Variants in GPR26 observed in about 807,000 individuals in gnomAD.
The protein encoded by GPR26 is G protein-coupled receptor 26.
A neutral mutation model predicts 23.1 loss-of-function variants in GPR26; 15 were observed. The ratio of observed to expected loss-of-function variants is 0.65; its 90% CI spans 0.43 to 1.00. The LOEUF (loss-of-function observed/expected upper bound fraction) is 1.00, where lower values mean the gene tolerates loss of function less well. Among genes scored for constraint, GPR26 ranks in the 50% least tolerant of loss-of-function variants. The pLI is 0.00. For synonymous variants in GPR26, 228 were observed against 222.1 expected (o/e 1.03, Z -0.24); for missense variants, 359 against 470.5 (o/e 0.76, Z 2.19).
intron 2 of GPR26, among the ~76,000 whole-genome samples, chr10:123,680,052 G>A (rs968123946): frequency 6.6e-6 from 1 of 152,230 alleles, no homozygotes; most frequent in African/African-American, 2.4e-5. Flanking sequence ...CTTGAGAACA[G>A]CAGCCCGAGC....
At position 123,696,085 on chromosome 10, in the gene GPR26, T is replaced by G. The variant is rs1464130337; in HGVS notation, c.*7925T>G. ...AGGATCAAATCCTGCCATCTGGATG[T>G]GCATTATTAATGCTGGTGTTTGGTG... On this transcript the variant is annotated 3_prime_UTR_variant, in exon 3 of 3. Coordinates refer to ENST00000284674, the MANE Select transcript of GPR26 (RefSeq NM_153442.4). Among the ~76,000 whole-genome samples the G allele has an allele frequency of 1.3e-5, 2 of 152,238 alleles. No homozygotes were observed. Among genetic ancestry groups the G allele is most frequent in the Non-Finnish European group, 2.9e-5 (2 of 68,046 alleles).
Position 123,695,505 on chromosome 10 carries a change from G to A in GPR26, c.*7345G>A, listed in dbSNP as rs1030808549. On this transcript the variant is annotated 3_prime_UTR_variant, in exon 3 of 3. Transcript: ENST00000284674. ...GAGTTAAGAGTATCACCATCAAGGC[G>A]CAAGGCTTCAGTCTTATCCCGGACA... Among the ~76,000 whole-genome samples, 2 of 152,140 alleles carry A rather than the reference G, an allele frequency of 1.3e-5. No homozygotes were observed. The highest frequency in any genetic ancestry group is 2.1e-4 in the South Asian group (1 of 4,824).
rs1397451222 is a variant in GPR26 at position 123,692,902 on chromosome 10, T to G, written c.*4742T>G. 3 of 152,212 alleles carry G rather than the reference T, an allele frequency of 2.0e-5. No homozygotes were observed. Among genetic ancestry groups the G allele is most frequent in the Non-Finnish European group, 2.9e-5 (2 of 68,048 alleles). The allele number at this position is 152,212 out of a possible 1,614,324, so 9.4% of individuals were successfully genotyped here. On this transcript the variant is annotated 3_prime_UTR_variant, in exon 3 of 3. Transcript: ENST00000284674. The stretch of plus-strand genomic sequence containing the variant: ...AAGTATCTAAGTTTCAATTGTCTTG[T>G]ATCTTTCCCTAATTCTCCAAACGGT...
intron 1 of GPR26, among the ~76,000 whole-genome samples, chr10:123,672,043 G>A (rs1031891002): frequency 2.0e-5 from 3 of 152,182 alleles, no homozygotes; most frequent in Non-Finnish European, 4.4e-5. Context: ...GCCTGGGGAT[G>A]GCTCTGCCTT....
rs1376070493 is a variant in GPR26 at position 123,695,853 on chromosome 10, T to C, written c.*7693T>C. Among the ~76,000 whole-genome samples the C allele has an allele frequency of 6.6e-6, 1 of 152,212 alleles. No individual in the cohort carries two copies. The highest frequency in any genetic ancestry group is 1.5e-5 in the Non-Finnish European group (1 of 68,026). On this transcript the variant is annotated 3_prime_UTR_variant, in exon 3 of 3. Transcript: ENST00000284674. The stretch of plus-strand genomic sequence containing the variant: ...TCCTGTTTTACAACAAACATGTAAA[T>C]ACAACCTCTTTTGGAGTGCAGAAAC...
At position 123,695,264 on chromosome 10, in the gene GPR26, G is replaced by A. The variant is rs1991395; in HGVS notation, c.*7104G>A. Reference sequence around the variant, plus strand: ...AATTTGGATTTTTAACTCAAAAGACGATGTGTACCCCTTGGGGCATGCGTG... The same window carrying A: ...AATTTGGATTTTTAACTCAAAAGACAATGTGTACCCCTTGGGGCATGCGTG... On this transcript the variant is annotated 3_prime_UTR_variant, in exon 3 of 3. Coordinates refer to ENST00000284674, the MANE Select transcript of GPR26 (RefSeq NM_153442.4). 0.23 allele frequency among the ~76,000 whole-genome samples: 35,580 copies of A among 152,144 alleles called. 4,594 individuals are homozygous for A. The highest frequency in any genetic ancestry group is 0.35 in the African/African-American group (14,447 of 41,492).
intron 1 of GPR26, 116 bp downstream of exon 1, chr10:123,667,191 G>C: frequency 2.4e-6 from 2 of 828,850 alleles, no homozygotes; most frequent in Middle Eastern, 3.7e-4. Flanking sequence ...CTGAGAACTC[G>C]AGGGTGGGGA....
At chr10:123,678,687 C>G (rs989846232) in intron 2 of GPR26, among the ~76,000 whole-genome samples, 1 of 152,196 alleles carries the variant, frequency 6.6e-6, no homozygotes, top group Non-Finnish European at 1.5e-5. Context: ...TGGGCGCCCC[C>G]CTCCAGGCAC....
At position 123,693,316 on chromosome 10, in the gene GPR26, G is replaced by C. The variant is rs1440413502; in HGVS notation, c.*5156G>C. 1 of 152,232 alleles carries C rather than the reference G, an allele frequency of 6.6e-6. No homozygotes were observed. Among genetic ancestry groups the C allele is most frequent in the Non-Finnish European group, 1.5e-5 (1 of 68,092 alleles). The allele number at this position is 152,232 out of a possible 1,614,324, so 9.4% of individuals were successfully genotyped here. ...GTGTGTGAGGCTCATTGTCAGCCTA[G>C]ATTTCCCTGAAACTCTGGGCCAGCA... On this transcript the variant is annotated 3_prime_UTR_variant, in exon 3 of 3. Coordinates refer to ENST00000284674, the MANE Select transcript of GPR26 (RefSeq NM_153442.4).
chr10:123,685,409 A>C (rs1845421284), intron 2 of GPR26, among the ~76,000 whole-genome samples: 1 of 152,218 alleles, frequency 6.6e-6, no homozygotes, highest in African/African-American at 2.4e-5. Flanking sequence ...CATAGCCAGC[A>C]GCCAGCCACG....
chr10:123,684,600 G>A (rs1052819211), intron 2 of GPR26, among the ~76,000 whole-genome samples: 1 of 152,220 alleles, frequency 6.6e-6, no homozygotes, highest in Non-Finnish European at 1.5e-5. Context: ...CATTCCCCGA[G>A]CTCCTGGTGG....
chr10:123,682,956 C>G (rs1845393599), intron 2 of GPR26, among the ~76,000 whole-genome samples: 1 of 152,080 alleles, frequency 6.6e-6, no homozygotes, highest in Non-Finnish European at 1.5e-5. Context: ...TTCTGTGGCC[C>G]AAGTTGCATT....
chr10:123,685,606 A>G (rs978937945), intron 2 of GPR26, among the ~76,000 whole-genome samples: 1 of 152,254 alleles, frequency 6.6e-6, no homozygotes, highest in African/African-American at 2.4e-5. Context: ...GGCTTTTCAA[A>G]GCAGAAATTG....
chr10:123,678,279 G>A (rs768524215), intron 2 of GPR26, among the ~76,000 whole-genome samples: 2 of 152,148 alleles, frequency 1.3e-5, no homozygotes, highest in Non-Finnish European at 2.9e-5. Flanking sequence ...GGTGTGAGGT[G>A]TGCCAGTGCC....
At position 123,696,439 on chromosome 10, in the gene GPR26, C is replaced by T. The variant is rs1845545262; in HGVS notation, c.*8279C>T. Among the ~76,000 whole-genome samples, 1 of 152,044 alleles carries T rather than the reference C, an allele frequency of 6.6e-6. No individual in the cohort carries two copies. Among genetic ancestry groups the T allele is most frequent in the Non-Finnish European group, 1.5e-5 (1 of 68,010 alleles). ...AAGTGGGGTGGGGAACTCACACCAA[C>T]CATAGCTTGGGGCATCCAGAGAGTG... On this transcript the variant is annotated 3_prime_UTR_variant, in exon 3 of 3. Transcript: ENST00000284674.
Position 123,689,385 on chromosome 10 carries a change from C to T in GPR26, c.*1225C>T, listed in dbSNP as rs1845467571. 6.6e-6 allele frequency: 1 copy of T among 152,144 alleles called. No homozygotes were observed. The allele number at this position is 152,144 out of a possible 1,614,324, so 9.4% of individuals were successfully genotyped here. ...GAGACAGTGAAATTTTTATGGAATA[C>T]TGCACCTATAAAACACATGCCAATC... On this transcript the variant is annotated 3_prime_UTR_variant, in exon 3 of 3. Coordinates refer to ENST00000284674, the MANE Select transcript of GPR26 (RefSeq NM_153442.4).
intron 2 of GPR26, among the ~76,000 whole-genome samples, chr10:123,681,355 C>T (rs531685920): frequency 4.5e-4 from 69 of 152,188 alleles, no homozygotes; most frequent in Non-Finnish European, 5.6e-4. Context: ...TGAGGCACAA[C>T]CCACTCAGAA....
In GPR26 at chr10:123,688,298, G is replaced by A. The variant is rs1845453196; in HGVS notation, c.*138G>A. 1.6e-6 allele frequency: 1 copy of A among 637,052 alleles called. No homozygotes were observed. Among genetic ancestry groups the A allele is most frequent in the Non-Finnish European group, 2.8e-6 (1 of 360,018 alleles). 39.5% of individuals were successfully genotyped at this position (637,052 alleles called of 1,614,324 possible). ...GTGATCCTGGTTCCCTGGCTTGTAGGGGCTCCAGAGCCTGCTTCCTGGTTC... is the reference window on the plus strand; with the variant it reads ...GTGATCCTGGTTCCCTGGCTTGTAGAGGCTCCAGAGCCTGCTTCCTGGTTC... On this transcript the variant is annotated 3_prime_UTR_variant, in exon 3 of 3. Transcript: ENST00000284674.
intron 1 of GPR26, among the ~76,000 whole-genome samples, chr10:123,669,909 G>T (rs1438100547): frequency 6.6e-6 from 1 of 152,142 alleles, no homozygotes; most frequent in Non-Finnish European, 1.5e-5. Context: ...TAAACACCTG[G>T]TGCTCCATCT....
Sources: gnomAD v4.1 joint callset for allele counts (sites outside exome capture counted in the v4.1 genomes callset) on GRCh38, gnomAD v4.1.1 for gene constraint, MANE v1.5 for transcripts, NCBI Gene and HGNC (gene_info 2026-07-23, HGNC 2026-07-21) for gene names.